ZNF536: variants seen among roughly 807,000 people sequenced by gnomAD.
ZNF536 encodes the protein zinc finger protein 536.
Under a neutral mutation model 84.5 loss-of-function variants are expected in ZNF536, and 13 were observed. That is an observed-to-expected ratio of 0.15 (90% confidence interval 0.10 to 0.24). ZNF536 has a LOEUF of 0.24. Ranked by LOEUF, ZNF536 falls within the 10% of genes least tolerant of loss-of-function variation. The pLI is 1.00. For missense variants in ZNF536, 1,536 were observed against 1,747.5 expected, an observed-to-expected ratio of 0.88 and a Z score of 2.16; for synonymous variants, 811 against 742.5, an observed-to-expected ratio of 1.09 and a Z score of -1.50.
intron 1 of ZNF536, among the ~76,000 whole-genome samples, chr19:30,686,258 C>T (rs1201838832): frequency 1.3e-5 from 2 of 152,050 alleles, no homozygotes; most frequent in Non-Finnish European, 2.9e-5. Flanking sequence ...GGAATCAACC[C>T]CCAACACACA....
At chr19:30,433,395 C>T (rs1377277825) in intron 1 of ZNF536, among the ~76,000 whole-genome samples, 1 of 152,220 alleles carries the variant, frequency 6.6e-6, no homozygotes. Context: ...TAGATGTACC[C>T]ATGTCTTGCC....
intron 2 of ZNF536, among the ~76,000 whole-genome samples, chr19:30,488,224 T>C (rs1375196756): frequency 6.6e-6 from 1 of 152,202 alleles, no homozygotes; most frequent in Non-Finnish European, 1.5e-5. Flanking sequence ...CCCAGATGTA[T>C]CTCTCTAATG....
intron 2 of ZNF536, among the ~76,000 whole-genome samples, chr19:30,446,833 CAACAACAA>C (rs1473528186): frequency 2.8e-5 from 4 of 144,840 alleles, no homozygotes; most frequent in Admixed American, 1.4e-4. Flanking sequence ...ACAACAACAA[CAACAACAA>C]AACACGCTAG....
rs144295357 is a variant in ZNF536 at position 30,342,733 on chromosome 19, C to T, written c.-119-9635C>T. Among the ~76,000 whole-genome samples the T allele has an allele frequency of 4.2e-3, 642 of 152,218 alleles. 4 individuals carry two copies. The highest frequency in any genetic ancestry group is 0.014 in the African/African-American group (601 of 41,528). On this transcript the variant is annotated intron_variant, in intron 2 of 5. Coordinates refer to the ZNF536 transcript ENST00000585628. The stretch of plus-strand genomic sequence containing the variant: ...TATGAAAATAAAAACAACCCAACAA[C>T]AATTATTGAGGAAAAAAACTCTAGC...
chr19:30,340,540 G>A (rs2047533473), intron 2 of ZNF536, among the ~76,000 whole-genome samples: 1 of 152,186 alleles, frequency 6.6e-6, no homozygotes, highest in South Asian at 2.1e-4. Context: ...GTGAAGGGTT[G>A]TTTTCTTCTT....
intron 2 of ZNF536, among the ~76,000 whole-genome samples, chr19:30,301,343 C>G (rs2145933058): frequency 6.6e-6 from 1 of 152,304 alleles, no homozygotes; most frequent in African/African-American, 2.4e-5. Context: ...CTCAGTTATT[C>G]TGTCTGCAAA....
At chr19:30,357,654 C>A (rs1376246184) in intron 3 of ZNF536, among the ~76,000 whole-genome samples, 1 of 152,112 alleles carries the variant, frequency 6.6e-6, no homozygotes, top group Non-Finnish European at 1.5e-5. Context: ...AGATGGACAG[C>A]AGCACTGGGG....
At chr19:30,642,897 G>A (rs2049317757) in intron 1 of ZNF536, among the ~76,000 whole-genome samples, 1 of 152,132 alleles carries the variant, frequency 6.6e-6, no homozygotes, top group South Asian at 2.1e-4. Flanking sequence ...AGCTCCCTGA[G>A]GGACACAACT....
intron 3 of ZNF536, among the ~76,000 whole-genome samples, chr19:30,543,123 G>A (rs2045399007): frequency 6.6e-6 from 1 of 152,166 alleles, no homozygotes; most frequent in Non-Finnish European, 1.5e-5. Flanking sequence ...GACTTTTCTT[G>A]GAAAATCAAA....
At chr19:30,385,057 A>G (rs576788897) in intron 1 of ZNF536, among the ~76,000 whole-genome samples, 2 of 151,696 alleles carry the variant, frequency 1.3e-5, no homozygotes, top group South Asian at 2.1e-4. Flanking sequence ...ACCCAGCTCC[A>G]CCTCCCATTG....
rs149677670 is a variant in ZNF536 at position 30,497,024 on chromosome 19, G to A, written c.2171-37823G>A. Among the ~76,000 whole-genome samples the A allele has an allele frequency of 5.1e-3, 775 of 152,288 alleles. 6 individuals carry two copies. Among genetic ancestry groups the A allele is most frequent in the South Asian group, 0.032 (155 of 4,832 alleles). On this transcript the variant is annotated intron_variant, in intron 2 of 4. Transcript: ENST00000355537. ...CTCAGCAGTGTGATGCTCTTTACAA[G>A]AGAGATGATTATGGGCCAAACAGCA...
chr19:30,694,331 G>T (rs1016819824), intron 1 of ZNF536, among the ~76,000 whole-genome samples: 26 of 152,254 alleles, frequency 1.7e-4, no homozygotes, highest in Non-Finnish European at 4.4e-5. Flanking sequence ...CCACCCACTT[G>T]TTTATTTCAC....
intron 2 of ZNF536, among the ~76,000 whole-genome samples, chr19:30,527,219 C>CTTTTTT (rs56404227): frequency 3.7e-4 from 39 of 106,170 alleles, no homozygotes; most frequent in African/African-American, 8.5e-4. Context: ...ACCCAGCCTC[C>CTTTTTT]TTTTTTTTTT....
At chr19:30,539,306 C>T (rs2045230181) in intron 3 of ZNF536, among the ~76,000 whole-genome samples, 1 of 152,126 alleles carries the variant, frequency 6.6e-6, no homozygotes, top group Non-Finnish European at 1.5e-5. Flanking sequence ...GAAAGACAGC[C>T]AGGCAAAGCG....
At chr19:30,256,814 C>G (rs2024940868) in intron 1 of ZNF536, among the ~76,000 whole-genome samples, 1 of 152,144 alleles carries the variant, frequency 6.6e-6, no homozygotes, top group Non-Finnish European at 1.5e-5. Context: ...ATTTTTTATT[C>G]ATGTTGAAAA....
intron 2 of ZNF536, among the ~76,000 whole-genome samples, chr19:30,494,459 C>T (rs1029526769): frequency 8.5e-5 from 13 of 152,144 alleles, no homozygotes; most frequent in Middle Eastern, 3.2e-3. Context: ...CTGAAGGGTG[C>T]GACAATGGAC....
At chr19:30,671,847 G>A (rs2050568770) in intron 1 of ZNF536, among the ~76,000 whole-genome samples, 1 of 152,210 alleles carries the variant, frequency 6.6e-6, no homozygotes, top group African/African-American at 2.4e-5. Context: ...TGCTTGGCAA[G>A]ATCCCTGAGA....
chr19:30,426,356 G>A (rs1386946314), intron 1 of ZNF536, among the ~76,000 whole-genome samples: 3 of 152,234 alleles, frequency 2.0e-5, no homozygotes, highest in Non-Finnish European at 1.5e-5. Flanking sequence ...TCAACCTGAT[G>A]TAATTTGATG....
intron 1 of ZNF536, among the ~76,000 whole-genome samples, chr19:30,603,439 T>C (rs78089993): frequency 0.016 from 2,377 of 152,310 alleles, 91 homozygotes; most frequent in Admixed American, 0.089. Flanking sequence ...CAAATCTCTT[T>C]AAACGAACAA....
Sources: gnomAD v4.1 joint callset for allele counts (sites outside exome capture counted in the v4.1 genomes callset) on GRCh38, gnomAD v4.1.1 for gene constraint, MANE v1.5 for transcripts, NCBI Gene and HGNC (gene_info 2026-07-23, HGNC 2026-07-21) for gene names.